ZNF774: variants seen among roughly 807,000 people sequenced by gnomAD.
The protein encoded by ZNF774 is zinc finger protein 774.
ZNF774 carries 14 observed loss-of-function variants against 11.1 expected under a neutral mutation model. The ratio of observed to expected loss-of-function variants is 1.26; its 90% CI spans 0.83 to 1.97. ZNF774 has a LOEUF of 1.97. ZNF774 is among the 30% of genes most tolerant of loss of function. The probability of loss-of-function intolerance (pLI) is 0.00; values close to 1 mark genes in which losing one functional copy is unlikely to be tolerated. For missense variants in ZNF774, 599 were observed against 587.0 expected (o/e 1.02, Z -0.21); for synonymous variants, 195 against 212.6 (o/e 0.92, Z 0.72).
rs1270938229 is a variant in ZNF774 at position 90,361,387 on chromosome 15, C to A, written c.*104C>A. 4.0e-6 allele frequency: 6 copies of A among 1,499,494 alleles called. No homozygotes were observed. Among genetic ancestry groups the A allele is most frequent in the Middle Eastern group, 2.2e-4 (1 of 4,448 alleles). 92.9% of individuals were successfully genotyped at this position (1,499,494 alleles called of 1,614,324 possible). Reference sequence around the variant, plus strand: ...CTGGGCGTCAGTGGCTCAATTTGGGCCCTGATCTATTCTCCCTCTTTCTTG... The same window carrying A: ...CTGGGCGTCAGTGGCTCAATTTGGGACCTGATCTATTCTCCCTCTTTCTTG... On this transcript the variant is annotated 3_prime_UTR_variant, in exon 4 of 4. Coordinates refer to ENST00000354377, the MANE Select transcript of ZNF774 (RefSeq NM_001004309.3).
chr15:90,352,420 T>A lies in ZNF774; in HGVS notation c.-20+9T>A, dbSNP rs567952253. On this transcript the variant is annotated intron_variant, in intron 1 of 3. Coordinates refer to ENST00000354377, the MANE Select transcript of ZNF774 (RefSeq NM_001004309.3). ...GGCTGGGCCCTGGGGCGGTGAGTGA[T>A]TCAAGGAGGGAGACCGCGGCGGCAG... 1.3e-5 allele frequency: 2 copies of A among 152,360 alleles called. No individual in the cohort carries two copies. The highest frequency in any genetic ancestry group is 4.8e-5 in the African/African-American group (2 of 41,530). The allele number at this position is 152,360 out of a possible 1,614,324, so 9.4% of individuals were successfully genotyped here. A position where few individuals can be genotyped will look rare whatever the true frequency, so the allele number is the denominator to read the frequency against.
chr15:90,354,877 C>G, intron 2 of ZNF774, 113 bp downstream of exon 2: 1 of 859,452 alleles, frequency 1.2e-6, no homozygotes. Context: ...TCACTGCAAT[C>G]TGTGCCTCCT....
rs368002655 is a variant in ZNF774, at chr15:90,360,363, C to G, written c.532C>G (p.Pro178Ala). ...RHLRTHTGER[P>A]YTCIECGKGF... ...CCTAAGAACCCACACTGGCGAGAGG[C>G]CCTATACGTGCATTGAGTGTGGGAA... is the stretch of plus-strand genomic sequence containing the variant. The change falls in exon 4 of 4, where the codon CCC (proline) becomes GCC (alanine). Residue 178 changes from proline (P) to alanine (A), a missense_variant. Pro to Ala is a conservative substitution (Grantham distance 27). Transcript: ENST00000354377. The G allele has an allele frequency of 2.2e-5, 35 of 1,614,032 alleles. No individual in the cohort carries two copies. The highest frequency in any genetic ancestry group is 2.7e-5 in the Non-Finnish European group (32 of 1,180,038).
chr15:90,355,010 G>C (rs1455659694), intron 2 of ZNF774, among the ~76,000 whole-genome samples: 3 of 152,182 alleles, frequency 2.0e-5, no homozygotes, highest in Non-Finnish European at 4.4e-5. Flanking sequence ...TGGCAAGGCT[G>C]GTCTCACTAT....
Position 90,360,476 on chromosome 15 carries a change from A to T in ZNF774, c.645A>T (p.Lys215Asn), listed in dbSNP as rs1964313448. Reference protein sequence around the residue: ...KPYQCKGCEKKFSDSSTLIKH... With the variant: ...KPYQCKGCEKNFSDSSTLIKH... ...ACCAATGCAAGGGGTGTGAGAAGAA[A>T]TTCAGCGACAGCTCAACACTCATCA... The change falls in exon 4 of 4, where the codon AAA becomes AAT. Residue 215 changes from lysine to asparagine, a missense_variant. Transcript: ENST00000354377. The T allele has an allele frequency of 6.2e-7, 1 of 1,613,854 alleles. No homozygotes were observed. The highest frequency in any genetic ancestry group is 8.5e-7 in the Non-Finnish European group (1 of 1,180,006).
Position 90,362,677 on chromosome 15 carries a change from T to G in ZNF774, c.*1394T>G. 1 of 1,228,360 alleles carries G rather than the reference T, an allele frequency of 8.1e-7. No homozygotes were observed. Among genetic ancestry groups the G allele is most frequent in the Non-Finnish European group, 1.2e-6 (1 of 867,334 alleles). 76.1% of individuals were successfully genotyped at this position (1,228,360 alleles called of 1,614,324 possible). On this transcript the variant is annotated 3_prime_UTR_variant, in exon 4 of 4. Transcript: ENST00000354377. ...TGAGTCCTGGCCCTGACGCTTAATT[T>G]GGCCAGACTTTCATCTTCTCCCAGC...
At chr15:90,359,019 A>T in intron 3 of ZNF774, 62 bp downstream of exon 3, 1 of 1,301,824 alleles carries the variant, frequency 7.7e-7, no homozygotes, top group Non-Finnish European at 1.1e-6. Context: ...TTAGATGAAG[A>T]ATTTGGAATG....
At position 90,362,681 on chromosome 15, in the gene ZNF774, C is replaced by T; in HGVS notation, c.*1398C>T. 1 of 1,180,374 alleles carries T rather than the reference C, an allele frequency of 8.5e-7. No homozygotes were observed. The highest frequency in any genetic ancestry group is 1.2e-6 in the Non-Finnish European group (1 of 825,282). The allele number at this position is 1,180,374 out of a possible 1,614,324, so 73.1% of individuals were successfully genotyped here. ...TCCTGGCCCTGACGCTTAATTTGGCCAGACTTTCATCTTCTCCCAGCCTCA... is the reference window on the plus strand; with the variant it reads ...TCCTGGCCCTGACGCTTAATTTGGCTAGACTTTCATCTTCTCCCAGCCTCA... On this transcript the variant is annotated 3_prime_UTR_variant, in exon 4 of 4. Transcript: ENST00000354377.
chr15:90,356,359 T>C (rs1413118130), intron 2 of ZNF774, among the ~76,000 whole-genome samples: 1 of 151,726 alleles, frequency 6.6e-6, no homozygotes, highest in Non-Finnish European at 1.5e-5. Context: ...TGGGCCCAGC[T>C]CTAATTTTTG....
At chr15:90,354,610 C>A (rs564639138) in intron 1 of ZNF774, 32 bp from the exon 2 acceptor site, 1 of 1,396,978 alleles carries the variant, frequency 7.2e-7, no homozygotes, top group Non-Finnish European at 1.0e-6. Context: ...ATCTAGGGAG[C>A]TACTGATGCA....
rs1964216811 is a variant in ZNF774, at chr15:90,354,479, G to T, written c.-19-163G>T. Reference sequence around the variant, plus strand: ...CCAGGAGAAGACGTATGTAAAAACAGACTTAGAAAAGCACCCCTCTGTGGT... The same window carrying T: ...CCAGGAGAAGACGTATGTAAAAACATACTTAGAAAAGCACCCCTCTGTGGT... On this transcript the variant is annotated intron_variant, in intron 1 of 3. Transcript: ENST00000354377. The T allele has an allele frequency of 5.2e-6, 3 of 580,422 alleles. No homozygotes were observed. The South Asian group carries it at 7.3e-5, about 14-fold the overall frequency. The allele number at this position is 580,422 out of a possible 1,614,324, so 36.0% of individuals were successfully genotyped here.
chr15:90,358,871 T>C lies in ZNF774; in HGVS notation c.125T>C (p.Ile42Thr), dbSNP rs758573054. Residue 42 changes from isoleucine to threonine, a missense_variant, in exon 3 of 4, where the codon ATC becomes ACC. Ile to Thr is a moderately conservative substitution (Grantham distance 89). Transcript: ENST00000354377. ...TGTAGAATTTCCAGGCCTAGTGTAA[T>C]CTCCCAGCCGGAGCAGAAAGAAGAG... ...ALKGISRPSV[I>T]SQPEQKEEPW... 1.2e-6 allele frequency: 2 copies of C among 1,613,052 alleles called. No individual in the cohort carries two copies. The highest frequency in any genetic ancestry group is 1.7e-5 in the Admixed American group (1 of 59,978).
At chr15:90,352,629 G>T (rs1276812452) in intron 1 of ZNF774, among the ~76,000 whole-genome samples, 1 of 152,126 alleles carries the variant, frequency 6.6e-6, no homozygotes, top group Admixed American at 6.5e-5. Context: ...TCTCGATGGT[G>T]GTCCCAGGGT....
At chr15:90,358,543 A>C (rs1447377284) in intron 2 of ZNF774, among the ~76,000 whole-genome samples, 1 of 152,202 alleles carries the variant, frequency 6.6e-6, no homozygotes, top group Non-Finnish European at 1.5e-5. Flanking sequence ...GTTTCTGATA[A>C]AATCCTCTCC....
In ZNF774 at chr15:90,361,025, C is replaced by G. The variant is rs199501760; in HGVS notation, c.1194C>G (p.Thr398=). The G allele has an allele frequency of 8.1e-6, 13 of 1,613,974 alleles. No homozygotes were observed. The highest frequency in any genetic ancestry group is 1.7e-5 in the Admixed American group (1 of 59,984). The change falls in exon 4 of 4, where the codon ACC becomes ACG. Residue 398 remains threonine, a synonymous_variant. Transcript: ENST00000354377. ...SALIKHQRIH[T]GERPYKCGEC... is the part of the protein sequence containing the mutation. ...TCATTAAGCACCAACGAATCCACAC[C>G]GGAGAAAGACCCTACAAATGTGGAG...
In ZNF774 at chr15:90,360,049, A is replaced by G. The variant is rs989625944; in HGVS notation, c.218A>G (p.Glu73Gly). The G allele has an allele frequency of 6.9e-6, 11 of 1,600,572 alleles. No homozygotes were observed. Among genetic ancestry groups the G allele is most frequent in the Non-Finnish European group, 8.5e-6 (10 of 1,172,792 alleles). Residue 73 changes from glutamate to glycine, a missense_variant, in exon 4 of 4, where the codon GAG becomes GGG. Glu to Gly is a moderately conservative substitution (Grantham distance 98, BLOSUM62 -2). Transcript: ENST00000354377. ...KIPRESHTDC[E>G]HQVAKLNQDN... is the part of the protein sequence containing the mutation. ...ACTTACATTAATTTTTCAGACTGTG[A>G]GCATCAGGTGGCAAAGCTCAATCAG... is the stretch of plus-strand genomic sequence containing the variant.
intron 2 of ZNF774, chr15:90,355,434 T>C (rs1286825800): frequency 2.2e-6 from 1 of 455,912 alleles, no homozygotes; most frequent in East Asian, 7.0e-5. Flanking sequence ...TTTCTGTCAC[T>C]TAAAAACAGG....
At position 90,353,594 on chromosome 15, in the gene ZNF774, A is replaced by ATT. The variant is rs11299715; in HGVS notation, c.-19-1035_-19-1034dup. On this transcript the variant is annotated intron_variant, in intron 1 of 3. Transcript: ENST00000354377. ...TGTAGTGGGTGGTCATGCTGGCTGCATTTTTTTTTTTTTTAAGGGAGAGAC... is the reference window on the plus strand; with the variant it reads ...TGTAGTGGGTGGTCATGCTGGCTGCATTTTTTTTTTTTTTTTAAGGGAGAGAC... 2.4e-3 allele frequency among the ~76,000 whole-genome samples: 340 copies of ATT among 141,086 alleles called. 4 individuals are homozygous for ATT. The highest frequency in any genetic ancestry group is 8.6e-3 in the African/African-American group (327 of 38,104). 92.6% of individuals were successfully genotyped at this position (141,086 alleles called of 152,430 possible).
Position 90,361,610 on chromosome 15 carries a change from G to GTCA in ZNF774, c.*327_*328insTCA. ...GGTGGATCACTTGAGGTCAGGAGTT[G>GTCA]AGACCAGCCTGGTGAGCATGGTGAA... is the stretch of plus-strand genomic sequence containing the variant. On this transcript the variant is annotated 3_prime_UTR_variant, in exon 4 of 4. Coordinates refer to ENST00000354377, the MANE Select transcript of ZNF774 (RefSeq NM_001004309.3). 1.2e-6 allele frequency: 1 copy of GTCA among 843,016 alleles called. No homozygotes were observed. Among genetic ancestry groups the GTCA allele is most frequent in the Non-Finnish European group, 1.5e-6 (1 of 680,390 alleles). The allele number at this position is 843,016 out of a possible 1,614,324, so 52.2% of individuals were successfully genotyped here.
Sources: allele counts gnomAD v4.1 joint callset (sites outside exome capture counted in the v4.1 genomes callset), GRCh38; gene constraint gnomAD v4.1.1; transcripts MANE v1.5; gene names NCBI Gene and HGNC (gene_info 2026-07-23, HGNC 2026-07-21).